The following CA10 variants were observed in gnomAD, a reference collection of about 807,000 sequenced individuals.
CA10 encodes the protein carbonic anhydrase-related protein 10.
A neutral mutation model predicts 44.2 loss-of-function variants in CA10; 14 were observed. The observed-to-expected ratio is 0.32, with a 90% CI of 0.21 to 0.50. CA10 has a LOEUF of 0.50. CA10 is among the 20% of genes least tolerant of loss of function. CA10 has a pLI of 0.99. For synonymous variants in CA10, 159 were observed against 141.6 expected, an observed-to-expected ratio of 1.12 and a Z score of -0.87; for missense variants, 350 against 409.7, an observed-to-expected ratio of 0.85 and a Z score of 1.26.
intron 1 of CA10, among the ~76,000 whole-genome samples, chr17:52,077,725 G>A (rs1023730306): frequency 6.6e-6 from 1 of 151,790 alleles, no homozygotes; most frequent in African/African-American, 2.4e-5. Context: ...TACTGCAGAA[G>A]GTATCTATCA....
At chr17:51,708,360 A>G (rs1308711200) in intron 4 of CA10, among the ~76,000 whole-genome samples, 3 of 152,198 alleles carry the variant, frequency 2.0e-5, no homozygotes, top group African/African-American at 7.2e-5. Context: ...AATTTTCAAT[A>G]TCAATATGCA....
intron 3 of CA10, among the ~76,000 whole-genome samples, chr17:51,802,080 A>G (rs1273345895): frequency 1.3e-5 from 2 of 152,154 alleles, no homozygotes; most frequent in Non-Finnish European, 2.9e-5. Flanking sequence ...TGCTTGGCAT[A>G]CCCTGTGAAT....
chr17:51,669,626 C>T (rs1175475323), intron 4 of CA10, among the ~76,000 whole-genome samples: 2 of 152,148 alleles, frequency 1.3e-5, no homozygotes, highest in Non-Finnish European at 2.9e-5. Flanking sequence ...CCAGCGAGAC[C>T]ATGAACCCAC....
chr17:51,698,842 C>T lies in CA10; in HGVS notation c.466-45106G>A, dbSNP rs9909490. ...TCTGTGCCTGGCTTATATCACTTAG[C>T]CTAATGTCTTCCAGGTTCATCCATG... On this transcript the variant is annotated intron_variant, in intron 4 of 8. Transcript: ENST00000451037. 6.2e-3 allele frequency among the ~76,000 whole-genome samples: 945 copies of T among 152,258 alleles called. 9 individuals are homozygous for T. Among genetic ancestry groups the T allele is most frequent in the African/African-American group, 0.022 (893 of 41,528 alleles).
chr17:51,690,994 T>C (rs1453058818), intron 4 of CA10, among the ~76,000 whole-genome samples: 3 of 152,184 alleles, frequency 2.0e-5, no homozygotes, highest in Non-Finnish European at 4.4e-5. Context: ...GACACTTAGG[T>C]TAATTTCATA....
chr17:51,771,310 A>G (rs1425127306), intron 3 of CA10, among the ~76,000 whole-genome samples: 1 of 152,042 alleles, frequency 6.6e-6, no homozygotes, highest in Non-Finnish European at 1.5e-5. Context: ...TCCAAACTAT[A>G]TCACTAATGT....
intron 4 of CA10, among the ~76,000 whole-genome samples, chr17:51,700,420 G>A (rs985694705): frequency 4.6e-5 from 7 of 152,116 alleles, no homozygotes; most frequent in Non-Finnish European, 8.8e-5. Flanking sequence ...CATCTTCTCT[G>A]GCCCCTTCTC....
At chr17:52,013,361 A>ATCACCTTTCTATGG (rs1985868746) in intron 2 of CA10, among the ~76,000 whole-genome samples, 1 of 151,976 alleles carries the variant, frequency 6.6e-6, no homozygotes, top group Admixed American at 6.6e-5. Context: ...TCATAATGAA[A>ATCACCTTTCTATGG]GAACAAGACC....
intron 3 of CA10, among the ~76,000 whole-genome samples, chr17:51,868,883 GTTT>G (rs138620002): frequency 6.7e-6 from 1 of 148,582 alleles, no homozygotes; most frequent in Non-Finnish European, 1.5e-5. Context: ...GAAGCCAAAA[GTTT>G]TTTTGTTTTT....
At chr17:51,795,093 A>G (rs1906656634) in intron 3 of CA10, among the ~76,000 whole-genome samples, 1 of 152,162 alleles carries the variant, frequency 6.6e-6, no homozygotes, top group African/African-American at 2.4e-5. Context: ...GGCCAATGTG[A>G]AGCTTCATTG....
At chr17:52,140,494 T>A (rs1989455237) in intron 1 of CA10, among the ~76,000 whole-genome samples, 1 of 152,252 alleles carries the variant, frequency 6.6e-6, no homozygotes, top group African/African-American at 2.4e-5. Flanking sequence ...CATATAATTT[T>A]CATGTGTCAT....
chr17:51,679,062 C>T (rs1016267700), intron 4 of CA10, among the ~76,000 whole-genome samples: 5 of 152,114 alleles, frequency 3.3e-5, no homozygotes, highest in African/African-American at 9.7e-5. Flanking sequence ...TCTCCACCCT[C>T]AAAGAGTTTA....
chr17:51,964,721 C>T (rs950858905), intron 2 of CA10, among the ~76,000 whole-genome samples: 4 of 151,654 alleles, frequency 2.6e-5, no homozygotes, highest in Non-Finnish European at 5.9e-5. Context: ...AAATAAAAGA[C>T]TCCATATACC....
chr17:51,885,027 G>T (rs1980537164), intron 3 of CA10, among the ~76,000 whole-genome samples: 1 of 152,156 alleles, frequency 6.6e-6, no homozygotes, highest in Non-Finnish European at 1.5e-5. Context: ...TGTATCTGCA[G>T]ACTATTTCCA....
intron 3 of CA10, among the ~76,000 whole-genome samples, chr17:51,814,874 C>T (rs545792173): frequency 6.6e-6 from 1 of 152,298 alleles, no homozygotes; most frequent in African/African-American, 2.4e-5. Context: ...GCTAAGTTAC[C>T]TGTACTGAGC....
intron 6 of CA10, 133 bp from the exon 7 acceptor site, chr17:51,636,142 C>G (rs1389918393): frequency 8.4e-6 from 4 of 477,894 alleles, no homozygotes; most frequent in Non-Finnish European, 1.4e-5. Flanking sequence ...ATATGTATTT[C>G]TTTTGGAATT....
chr17:51,996,056 T>C (rs1377806294), intron 2 of CA10, among the ~76,000 whole-genome samples: 1 of 152,044 alleles, frequency 6.6e-6, no homozygotes, highest in African/African-American at 2.4e-5. Context: ...TTAACTGAAC[T>C]CCTCAGATAT....
At chr17:51,640,004 C>T (rs73342816) in intron 6 of CA10, among the ~76,000 whole-genome samples, 2,913 of 152,310 alleles carry the variant, frequency 0.019, 66 homozygotes, top group African/African-American at 0.049. Context: ...TGCTCCTCTC[C>T]TCAAGGACTC....
chr17:52,095,262 A>G (rs1988374286), intron 1 of CA10, among the ~76,000 whole-genome samples: 1 of 152,106 alleles, frequency 6.6e-6, no homozygotes, highest in Non-Finnish European at 1.5e-5. Flanking sequence ...AAACAGGCAA[A>G]ACAAGTTCAT....
Sources: allele counts gnomAD v4.1 joint callset (sites outside exome capture counted in the v4.1 genomes callset), GRCh38; gene constraint gnomAD v4.1.1; transcripts MANE v1.5; gene names NCBI Gene and HGNC (gene_info 2026-07-23, HGNC 2026-07-21).